Variants in C4orf50 observed in about 807,000 individuals in gnomAD.
C4orf50 encodes the protein chromosome 4 open reading frame 50, also known as uncharacterized protein C4orf50.
C4orf50 carries 80 observed loss-of-function variants against 77.2 expected under a neutral mutation model. The observed-to-expected ratio is 1.04, with a 90% CI of 0.87 to 1.25. The LOEUF is 1.25. C4orf50 is among the 50% of genes most tolerant of loss of function. The pLI, the probability that C4orf50 is intolerant of heterozygous loss-of-function variation, is 0.00. For missense variants in C4orf50, 1,257 were observed against 1,152.9 expected (o/e 1.09, Z -1.31); for synonymous variants, 532 against 465.3 (o/e 1.14, Z -1.84).
chr4:6,004,336 G>A (rs1722115478), intron 25 of C4orf50, among the ~76,000 whole-genome samples: 1 of 109,748 alleles, frequency 9.1e-6, no homozygotes, highest in Non-Finnish European at 1.8e-5. Context: ...GGTGATGATG[G>A]TGATGGTGAT....
rs1560541299 is a variant in C4orf50, at chr4:5,919,393, T to C, written c.*2475-21205A>G. 6.7e-6 allele frequency among the ~76,000 whole-genome samples: 1 copy of C among 149,424 alleles called. No homozygotes were observed. The highest frequency in any genetic ancestry group is 1.5e-5 in the Non-Finnish European group (1 of 67,532). ...ATTAGATCTTCTTTCACTCACTCCC[T>C]GTAGGCAGTGGACTGAGGCAGGGGC... is the stretch of plus-strand genomic sequence containing the variant. On this transcript the variant is annotated intron_variant, in intron 7 of 7. Coordinates refer to the C4orf50 transcript ENST00000324058. This position sits in a 1 kb window ranked among gnomAD's most constrained non-coding sequence, Gnocchi z 6.5.
chr4:5,911,186 G>A (rs1049909004), intron 7 of C4orf50, among the ~76,000 whole-genome samples: 4 of 152,124 alleles, frequency 2.6e-5, no homozygotes, highest in Admixed American at 2.6e-4. Context: ...TGGGATTACA[G>A]GCGTAAGCCA....
intron 7 of C4orf50, among the ~76,000 whole-genome samples, chr4:5,915,401 A>C (rs1440075785): frequency 6.6e-6 from 1 of 152,246 alleles, no homozygotes; most frequent in Non-Finnish European, 1.5e-5. Context: ...AGCTACTCCC[A>C]GTTCCTTTCT....
intron 33 of C4orf50, among the ~76,000 whole-genome samples, chr4:5,964,746 T>A (rs1250459701): frequency 8.4e-6 from 1 of 119,486 alleles, no homozygotes; most frequent in African/African-American, 3.4e-5. Context: ...CCAGCCTGGG[T>A]AACAGAGCAA....
At chr4:5,946,668 C>A (rs11947026) in intron 7 of C4orf50, among the ~76,000 whole-genome samples, 5,797 of 152,216 alleles carry the variant, frequency 0.038, 323 homozygotes, top group African/African-American at 0.12. Context: ...TTGCCTTTAC[C>A]TATTTAGAAA....
intron 7 of C4orf50, among the ~76,000 whole-genome samples, chr4:5,926,627 T>C (rs955888630): frequency 2.0e-5 from 3 of 152,208 alleles, no homozygotes; most frequent in African/African-American, 7.2e-5. Context: ...CCTCAATTTT[T>C]TTTTTTTAAA....
In C4orf50 at chr4:5,976,281, T is replaced by C. The variant is rs182124449; in HGVS notation, c.3865-326A>G. 8.1e-3 allele frequency among the ~76,000 whole-genome samples: 1,138 copies of C among 139,708 alleles called. 6 individuals carry two copies. Among genetic ancestry groups the C allele is most frequent in the Middle Eastern group, 0.014 (4 of 280 alleles). The allele number at this position is 139,708 out of a possible 152,430, so 91.7% of individuals were successfully genotyped here. ...TAACACAGTGAAACCCCATCTCTAC[T>C]AAAAAAAAAAATACAAAAAAAAAAA... On this transcript the variant is annotated intron_variant, in intron 29 of 33. Coordinates refer to ENST00000531445, the Ensembl canonical transcript of C4orf50.
chr4:5,999,469 A>G (rs1472077041), intron 25 of C4orf50, among the ~76,000 whole-genome samples: 2 of 152,190 alleles, frequency 1.3e-5, no homozygotes, highest in East Asian at 3.8e-4. Context: ...TCTGTGGTAC[A>G]CATCTCTGGG....
intron 7 of C4orf50, among the ~76,000 whole-genome samples, chr4:5,933,464 G>A (rs1026405427): frequency 2.6e-5 from 4 of 152,182 alleles, no homozygotes; most frequent in Non-Finnish European, 1.5e-5. Flanking sequence ...CTGCTGTGGG[G>A]CTGACCCCTG....
rs1719867841 is a variant in C4orf50 at position 5,970,855 on chromosome 4, G to A, written c.4104+2804C>T. Reference sequence around the variant, plus strand: ...TCAGGGTCCCCCGTGGAGCCTAGCAGCAGGATGCTGGGAGGGTGGAGTAAG... The same window carrying A: ...TCAGGGTCCCCCGTGGAGCCTAGCAACAGGATGCTGGGAGGGTGGAGTAAG... On this transcript the variant is annotated intron_variant, in intron 31 of 33. Transcript: ENST00000531445. The surrounding 1 kb of genome is among the most constrained non-coding windows in gnomAD (Gnocchi z 4.3). 6.6e-6 allele frequency among the ~76,000 whole-genome samples: 1 copy of A among 152,210 alleles called. No individual in the cohort carries two copies. The highest frequency in any genetic ancestry group is 2.1e-4 in the South Asian group (1 of 4,828).
At chr4:5,940,317 T>A (rs1035734309) in intron 7 of C4orf50, among the ~76,000 whole-genome samples, 1 of 152,216 alleles carries the variant, frequency 6.6e-6, no homozygotes, top group African/African-American at 2.4e-5. Flanking sequence ...TTCCTTCTTA[T>A]TTGTAATTCA....
downstream of C4orf50, among the ~76,000 whole-genome samples, chr4:5,955,254 G>A (rs956681583): frequency 2.0e-5 from 3 of 152,078 alleles, no homozygotes; most frequent in Non-Finnish European, 2.9e-5. This position sits in a 1 kb window ranked among gnomAD's most constrained non-coding sequence, Gnocchi z 5.1. Flanking sequence ...ACCTTACCAC[G>A]GCCCTTGGAG....
intron 25 of C4orf50, among the ~76,000 whole-genome samples, chr4:6,004,306 G>GATGATGGTGATGATA (rs1722105780): frequency 6.8e-5 from 5 of 73,970 alleles, no homozygotes; most frequent in East Asian, 1.3e-3. Flanking sequence ...TGGTGATGGT[G>GATGATGGTGATGATA]GTGATGATGT....
chr4:5,986,004 A>G (rs1720833436), intron 28 of C4orf50, among the ~76,000 whole-genome samples: 2 of 152,176 alleles, frequency 1.3e-5, no homozygotes, highest in Admixed American at 6.5e-5. Flanking sequence ...AAAGAACATT[A>G]TAACATATAG....
exon 28 of C4orf50, chr4:5,989,882 C>G (rs1053281194): frequency 6.9e-7 from 1 of 1,440,606 alleles, no homozygotes; most frequent in African/African-American, 1.4e-5. Flanking sequence ...CCTTTGTCCT[C>G]CAGGCTTCCT....
chr4:5,951,605 T>C (rs1718724340), intron 7 of C4orf50, among the ~76,000 whole-genome samples: 1 of 152,138 alleles, frequency 6.6e-6, no homozygotes, highest in Non-Finnish European at 1.5e-5. Context: ...CTGTTAACAA[T>C]GGCACAGATA....
In C4orf50 at chr4:5,992,262, C is replaced by T. The variant is rs1277926990; in HGVS notation, c.1221+541G>A. Among the ~76,000 whole-genome samples, 1 of 152,230 alleles carries T rather than the reference C, an allele frequency of 6.6e-6. No homozygotes were observed. The highest frequency in any genetic ancestry group is 2.4e-5 in the African/African-American group (1 of 41,450). ...CTCTCTATTTACAACCACACAACCA[C>T]AGCCGGGCTCGCGGGTCCCAGCACA... On this transcript the variant is annotated intron_variant, in intron 27 of 33. Transcript: ENST00000531445. The surrounding 1 kb of genome is among the most constrained non-coding windows in gnomAD (Gnocchi z 5.0).
chr4:5,947,654 A>C, intron 7 of C4orf50, among the ~76,000 whole-genome samples: 1 of 152,048 alleles, frequency 6.6e-6, no homozygotes, highest in African/African-American at 2.4e-5. Flanking sequence ...TCCCACACTC[A>C]CAGCCCTTCC....
chr4:6,006,769 C>T (rs1254556887), intron 25 of C4orf50, among the ~76,000 whole-genome samples: 1 of 152,178 alleles, frequency 6.6e-6, no homozygotes, highest in Non-Finnish European at 1.5e-5. Flanking sequence ...CCTGTGTGCT[C>T]TCTACTCCAC....
Sources: gnomAD v4.1 joint callset for allele counts (sites outside exome capture counted in the v4.1 genomes callset) on GRCh38, gnomAD v4.1.1 for gene constraint, Gnocchi (gnomAD v3.1) non-coding constraint, MANE v1.5 for transcripts, NCBI Gene and HGNC (gene_info 2026-07-23, HGNC 2026-07-21) for gene names.